The following CERS3 variants were observed in gnomAD, a reference collection of about 807,000 sequenced individuals.
The protein encoded by CERS3 is ceramide synthase 3.
In CERS3, 33 loss-of-function variants were observed where a neutral mutation model predicts 50.3. The ratio of observed to expected loss-of-function variants is 0.66; its 90% CI spans 0.50 to 0.88. The LOEUF (loss-of-function observed/expected upper bound fraction) is 0.88, where lower values mean the gene tolerates loss of function less well. Among genes scored for constraint, CERS3 ranks in the 40% least tolerant of loss-of-function variants. The pLI is 0.00. For synonymous variants in CERS3, 176 were observed against 155.2 expected, an observed-to-expected ratio of 1.13 and a Z score of -0.99; for missense variants, 470 against 460.3, an observed-to-expected ratio of 1.02 and a Z score of -0.19.
chr15:100,486,573 C>G (rs1177247036), intron 4 of CERS3, among the ~76,000 whole-genome samples: 1 of 152,208 alleles, frequency 6.6e-6, no homozygotes, highest in Non-Finnish European at 1.5e-5. Flanking sequence ...AAAAGTATTC[C>G]TTTACTTTTA....
chr15:100,418,265 C>G (rs1030461861), intron 11 of CERS3, among the ~76,000 whole-genome samples: 2 of 151,864 alleles, frequency 1.3e-5, no homozygotes, highest in African/African-American at 2.4e-5. Context: ...AACCAAGGCC[C>G]GAGAACTACG....
Position 100,447,415 on chromosome 15 carries a change from T to C in CERS3, c.999+8478A>G, listed in dbSNP as rs560175019. On this transcript the variant is annotated intron_variant, in intron 11 of 11. Coordinates refer to ENST00000679737, the MANE Select transcript of CERS3 (RefSeq NM_001378789.1). ...CAAAGCAATGTACATCTTACATGCA[T>C]TGACTGATGACTTATATCTCCCTAA... Among the ~76,000 whole-genome samples, 4 of 152,360 alleles carry C rather than the reference T, an allele frequency of 2.6e-5. No homozygotes were observed. In the East Asian group the frequency reaches 7.7e-4, roughly 29 times the overall value.
At chr15:100,526,954 G>A (rs2036813637) in intron 1 of CERS3, among the ~76,000 whole-genome samples, 2 of 152,088 alleles carry the variant, frequency 1.3e-5, no homozygotes, top group African/African-American at 2.4e-5. Flanking sequence ...CTCGTTTGAT[G>A]GATGTTATAA....
At chr15:100,460,170 T>C (rs1282339235) in intron 10 of CERS3, among the ~76,000 whole-genome samples, 1 of 152,246 alleles carries the variant, frequency 6.6e-6, no homozygotes, top group East Asian at 1.9e-4. Flanking sequence ...AGGTCCTTTT[T>C]CAGCCCCATC....
chr15:100,493,994 C>T (rs1270671172), intron 3 of CERS3, among the ~76,000 whole-genome samples: 2 of 151,784 alleles, frequency 1.3e-5, no homozygotes, highest in Non-Finnish European at 2.9e-5. Flanking sequence ...ACTATCTAGG[C>T]TTTCTCAGAA....
rs61663663 is a variant in CERS3, at chr15:100,543,533, CTTT to C, written c.-355+1115_-355+1117del. On this transcript the variant is annotated intron_variant, in intron 1 of 12. Transcript: ENST00000284382. ...CTTCCTCTCCCTCCTTCCTTTCTTT[CTTT>C]TTTTTTTTTTTATTAGAAGTTTTGC... Among the ~76,000 whole-genome samples, 203 of 139,672 alleles carry C rather than the reference CTTT, an allele frequency of 1.5e-3. 1 individual carries two copies. Among genetic ancestry groups the C allele is most frequent in the Non-Finnish European group, 2.1e-3 (133 of 64,332 alleles). 91.6% of individuals were successfully genotyped at this position (139,672 alleles called of 152,430 possible).
intron 10 of CERS3, among the ~76,000 whole-genome samples, chr15:100,464,348 C>G (rs572373524): frequency 6.5e-4 from 99 of 152,192 alleles, no homozygotes; most frequent in Admixed American, 1.1e-3. Context: ...ATAATGCACT[C>G]CTGAAAGGCA....
chr15:100,459,503 G>T (rs1019759485), intron 10 of CERS3, among the ~76,000 whole-genome samples: 3 of 152,096 alleles, frequency 2.0e-5, no homozygotes, highest in Admixed American at 1.3e-4. Context: ...GTTTTGCCTT[G>T]TTGCACAGGC....
chr15:100,477,894 G>T (rs2035181521), intron 7 of CERS3, among the ~76,000 whole-genome samples: 1 of 152,172 alleles, frequency 6.6e-6, no homozygotes, highest in African/African-American at 2.4e-5. Flanking sequence ...AGTCTACCTT[G>T]AATCAGCTCA....
chr15:100,462,290 C>T (rs977718868), intron 10 of CERS3, among the ~76,000 whole-genome samples: 4 of 152,180 alleles, frequency 2.6e-5, no homozygotes, highest in African/African-American at 7.2e-5. Context: ...TTAGCTCTTC[C>T]AATCACTGGA....
chr15:100,426,777 T>C (rs1292934294), intron 11 of CERS3, among the ~76,000 whole-genome samples: 3 of 152,218 alleles, frequency 2.0e-5, no homozygotes, highest in Non-Finnish European at 4.4e-5. Flanking sequence ...CTAACAGTCT[T>C]TAAACTCTAG....
chr15:100,504,218 C>A (rs1253856224), intron 2 of CERS3, among the ~76,000 whole-genome samples: 1 of 149,698 alleles, frequency 6.7e-6, no homozygotes, highest in African/African-American at 2.5e-5. Context: ...TGGAGAAAGG[C>A]TGCCTTTTCC....
intron 1 of CERS3, among the ~76,000 whole-genome samples, chr15:100,542,826 T>C (rs1050095641): frequency 6.6e-6 from 1 of 152,186 alleles, no homozygotes; most frequent in South Asian, 2.1e-4. Flanking sequence ...TATACACATG[T>C]ATATAACTGA....
intron 11 of CERS3, among the ~76,000 whole-genome samples, chr15:100,416,972 A>T (rs1447566690): frequency 6.6e-6 from 1 of 152,228 alleles, no homozygotes; most frequent in African/African-American, 2.4e-5. Context: ...CATATGAAAA[A>T]ATATTCAAAA....
chr15:100,432,054 T>C (rs1445243341), intron 11 of CERS3, among the ~76,000 whole-genome samples: 2 of 124,746 alleles, frequency 1.6e-5, no homozygotes, highest in African/African-American at 5.9e-5. Context: ...CTGAGTTCCT[T>C]TAATAGGCCC....
chr15:100,449,928 A>T (rs1262865256), intron 11 of CERS3, among the ~76,000 whole-genome samples: 2 of 152,204 alleles, frequency 1.3e-5, no homozygotes, highest in East Asian at 1.9e-4. Flanking sequence ...AAAAGAACTC[A>T]ATATAATTAT....
intron 7 of CERS3, among the ~76,000 whole-genome samples, chr15:100,478,526 C>T (rs1455998034): frequency 6.7e-6 from 1 of 148,994 alleles, no homozygotes; most frequent in East Asian, 1.9e-4. Context: ...ATGATAACTG[C>T]ACACATCATG....
chr15:100,525,453 A>G (rs74042225), intron 1 of CERS3, among the ~76,000 whole-genome samples: 3,459 of 152,304 alleles, frequency 0.023, 150 homozygotes, highest in African/African-American at 0.079. Flanking sequence ...TGGACATCCA[A>G]GCCAAATCTC....
intron 11 of CERS3, chr15:100,437,962 A>T (rs1300169098): frequency 6.6e-6 from 1 of 152,158 alleles, no homozygotes; most frequent in Non-Finnish European, 1.5e-5. Flanking sequence ...CAAAAAGTTC[A>T]AAAGTAAGTT....
Sources: gnomAD v4.1 joint callset for allele counts (sites outside exome capture counted in the v4.1 genomes callset) on GRCh38, gnomAD v4.1.1 for gene constraint, MANE v1.5 for transcripts, NCBI Gene and HGNC (gene_info 2026-07-23, HGNC 2026-07-21) for gene names.